Variants in SULF1 observed in about 807,000 individuals in gnomAD.
SULF1 encodes the protein sulfatase 1, also known as extracellular sulfatase Sulf-1.
A neutral mutation model predicts 110.5 loss-of-function variants in SULF1; 46 were observed. That is an observed-to-expected ratio of 0.42 (90% confidence interval 0.33 to 0.53). SULF1 has a LOEUF of 0.53. Among genes scored for constraint, SULF1 ranks in the 20% least tolerant of loss-of-function variants. The pLI, the probability that SULF1 is intolerant of heterozygous loss-of-function variation, is 0.12. For missense variants in SULF1, 941 were observed against 1,094.2 expected, an observed-to-expected ratio of 0.86 and a Z score of 1.98; for synonymous variants, 371 against 387.1, an observed-to-expected ratio of 0.96 and a Z score of 0.49.
At chr8:69,507,864 T>C (rs1420781979) in intron 3 of SULF1, among the ~76,000 whole-genome samples, 1 of 152,226 alleles carries the variant, frequency 6.6e-6, no homozygotes, top group East Asian at 1.9e-4. Context: ...ATTTGTTTTA[T>C]GATTTTGCTC....
chr8:69,520,117 A>G (rs1285571225), intron 3 of SULF1, among the ~76,000 whole-genome samples: 1 of 98,216 alleles, frequency 1.0e-5, no homozygotes, highest in Admixed American at 1.1e-4. Context: ...CCAGTTACAC[A>G]CACACACACA....
At chr8:69,480,033 C>G (rs1401692000) in intron 1 of SULF1, among the ~76,000 whole-genome samples, 2 of 151,980 alleles carry the variant, frequency 1.3e-5, no homozygotes, top group Non-Finnish European at 2.9e-5. Flanking sequence ...AGATGTACTC[C>G]TTATGGAAAA....
intron 22 of SULF1, among the ~76,000 whole-genome samples, chr8:69,650,999 T>C (rs541628634): frequency 2.0e-5 from 3 of 152,008 alleles, no homozygotes; most frequent in Non-Finnish European, 2.9e-5. Context: ...ATCCTTTTGA[T>C]GGATAGAGCT....
chr8:69,550,274 T>C (rs774433773), intron 3 of SULF1, among the ~76,000 whole-genome samples: 1 of 151,908 alleles, frequency 6.6e-6, no homozygotes, highest in Non-Finnish European at 1.5e-5. Flanking sequence ...TTTTCTCATT[T>C]AAAAAGAAAA....
intron 1 of SULF1, among the ~76,000 whole-genome samples, chr8:69,484,600 T>C (rs1260496428): frequency 6.6e-6 from 1 of 152,236 alleles, no homozygotes; most frequent in African/African-American, 2.4e-5. Context: ...TCTGTGGATG[T>C]TTCAACAAAT....
At chr8:69,637,282 A>G (rs1029996766) in intron 19 of SULF1, among the ~76,000 whole-genome samples, 1 of 151,648 alleles carries the variant, frequency 6.6e-6, no homozygotes, top group Admixed American at 6.6e-5. Flanking sequence ...CCACCACTAC[A>G]CTCCTCATCT....
At chr8:69,637,441 G>A (rs1419110505) in intron 19 of SULF1, among the ~76,000 whole-genome samples, 1 of 152,116 alleles carries the variant, frequency 6.6e-6, no homozygotes, top group Admixed American at 6.5e-5. Flanking sequence ...AAAATCACTC[G>A]AATTTAGTTT....
intron 6 of SULF1, among the ~76,000 whole-genome samples, chr8:69,583,635 A>G (rs1806243420): frequency 6.6e-6 from 1 of 152,184 alleles, no homozygotes; most frequent in Admixed American, 6.5e-5. Context: ...GACCTCGTAA[A>G]GTCCCCAGAA....
At position 69,601,865 on chromosome 8, in the gene SULF1, T is replaced by A. The variant is rs773813035; in HGVS notation, c.1061+36T>A. On this transcript the variant is annotated intron_variant, in intron 10 of 22. Transcript: ENST00000402687. The stretch of plus-strand genomic sequence containing the variant: ...CTCTGTTTGCAACATTCAACTGTCG[T>A]ACCTCAAGTGTGTCTAAGATAATTC... 4 of 1,568,266 alleles carry A rather than the reference T, an allele frequency of 2.6e-6. No homozygotes were observed. In the South Asian group the frequency reaches 4.8e-5, roughly 19 times the overall value.
intron 3 of SULF1, among the ~76,000 whole-genome samples, chr8:69,532,104 T>C (rs1239361082): frequency 1.3e-5 from 2 of 152,182 alleles, no homozygotes; most frequent in African/African-American, 4.8e-5. Context: ...TGTGTCTTTA[T>C]TCAAGAACGT....
chr8:69,548,596 C>T (rs983797268), intron 3 of SULF1, among the ~76,000 whole-genome samples: 1 of 150,932 alleles, frequency 6.6e-6, no homozygotes, highest in African/African-American at 2.4e-5. Flanking sequence ...TACAGGCATG[C>T]ACCACCATGC....
chr8:69,601,945 G>C, intron 10 of SULF1, 116 bp downstream of exon 10: 1 of 1,069,246 alleles, frequency 9.4e-7, no homozygotes, highest in Non-Finnish European at 1.3e-6. Context: ...AAGGATGTGT[G>C]TAGGCTGGTT....
At position 69,562,121 on chromosome 8, in the gene SULF1, C is replaced by G. The variant is rs12334827; in HGVS notation, c.-133-1418C>G. On this transcript the variant is annotated intron_variant, in intron 3 of 22. Coordinates refer to ENST00000402687, the MANE Select transcript of SULF1 (RefSeq NM_001128205.2). ...AGACACTAGAGTTTTGTTTAAAAACCGATTTCTTCTTGTCTCTTTCTCTCT... is the reference window on the plus strand; with the variant it reads ...AGACACTAGAGTTTTGTTTAAAAACGGATTTCTTCTTGTCTCTTTCTCTCT... Among the ~76,000 whole-genome samples, 1,041 of 152,236 alleles carry G rather than the reference C, an allele frequency of 6.8e-3. 8 individuals are homozygous for G. Among genetic ancestry groups the G allele is most frequent in the African/African-American group, 0.023 (961 of 41,526 alleles).
chr8:69,604,738 G>T (rs921617826), intron 12 of SULF1, 65 bp from the exon 13 acceptor site: 36 of 1,585,710 alleles, frequency 2.3e-5, no homozygotes, highest in Non-Finnish European at 3.0e-5. Flanking sequence ...AAAAAAGGGG[G>T]CAGGACTCAG....
chr8:69,512,354 A>G (rs1397236114), intron 3 of SULF1, among the ~76,000 whole-genome samples: 3 of 152,234 alleles, frequency 2.0e-5, no homozygotes, highest in African/African-American at 4.8e-5. Flanking sequence ...GATCATCAGC[A>G]TGGCCTGAAA....
chr8:69,631,293 A>G (rs1006462948), intron 19 of SULF1, among the ~76,000 whole-genome samples: 1 of 152,146 alleles, frequency 6.6e-6, no homozygotes, highest in Admixed American at 6.5e-5. Context: ...GCTTTTTATC[A>G]TCTGAGTTGA....
At chr8:69,644,294 A>G (rs140757058) in intron 22 of SULF1, among the ~76,000 whole-genome samples, 1 of 152,348 alleles carries the variant, frequency 6.6e-6, no homozygotes, top group African/African-American at 2.4e-5. Context: ...GCTGGTGGGC[A>G]TGCTTAGAAC....
At chr8:69,618,378 CT>C (rs1809343723) in intron 13 of SULF1, among the ~76,000 whole-genome samples, 1 of 152,162 alleles carries the variant, frequency 6.6e-6, no homozygotes, top group Non-Finnish European at 1.5e-5. Flanking sequence ...TGATTATTCC[CT>C]GAACAATACA....
intron 3 of SULF1, among the ~76,000 whole-genome samples, chr8:69,539,049 G>A (rs16936039): frequency 6.6e-6 from 1 of 152,082 alleles, no homozygotes; most frequent in African/African-American, 2.4e-5. Flanking sequence ...GCTGGATCCC[G>A]TCTAGTGTCC....
Sources: gnomAD v4.1 joint callset for allele counts (sites outside exome capture counted in the v4.1 genomes callset) on GRCh38, gnomAD v4.1.1 for gene constraint, MANE v1.5 for transcripts, NCBI Gene and HGNC (gene_info 2026-07-23, HGNC 2026-07-21) for gene names.